Variants in ATP11B observed in about 807,000 individuals in gnomAD.
ATP11B encodes ATPase phospholipid transporting 11B (putative).
ATP11B carries 81 observed loss-of-function variants against 157.8 expected under a neutral mutation model. The observed-to-expected ratio is 0.51, with a 90% CI of 0.43 to 0.62. ATP11B has a LOEUF of 0.62. Ranked by LOEUF, ATP11B falls within the 20% of genes least tolerant of loss-of-function variation. The pLI, the probability that ATP11B is intolerant of heterozygous loss-of-function variation, is 0.00. For synonymous variants in ATP11B, 451 were observed against 469.4 expected (o/e 0.96, Z 0.51); for missense variants, 1,165 against 1,402.2 (o/e 0.83, Z 2.70).
At chr3:182,908,511 T>TAC (rs1323024759) in intron 28 of ATP11B, 6 of 152,144 alleles carry the variant, frequency 3.9e-5, no homozygotes, top group African/African-American at 1.4e-4. Flanking sequence ...CTTAGGTATG[T>TAC]AATACATACA....
intron 1 of ATP11B, among the ~76,000 whole-genome samples, chr3:182,805,541 G>A (rs866650928): frequency 1.3e-5 from 2 of 150,722 alleles, no homozygotes; most frequent in Admixed American, 6.6e-5. Flanking sequence ...GGCAACCTCC[G>A]CCTCCCAGAT....
At chr3:182,880,266 A>G (rs1056246667) in intron 20 of ATP11B, among the ~76,000 whole-genome samples, 3 of 152,190 alleles carry the variant, frequency 2.0e-5, no homozygotes. Context: ...TTTCCCATAT[A>G]GGTCTAATAA....
At chr3:182,916,770 C>A in intron 29 of ATP11B, 1 of 984,894 alleles carries the variant, frequency 1.0e-6, no homozygotes. Context: ...TCTGTGTAAG[C>A]AATGTGGAAA....
chr3:182,884,648 G>T, intron 21 of ATP11B, 105 bp from the exon 22 acceptor site: 1 of 1,130,224 alleles, frequency 8.8e-7, no homozygotes, highest in Non-Finnish European at 1.2e-6. Context: ...AGGATTTAAT[G>T]TTCCTAAGTG....
At position 182,918,539 on chromosome 3, in the gene ATP11B, CTA is replaced by C; in HGVS notation, c.*437_*438del. 2 of 394,526 alleles carry C rather than the reference CTA, an allele frequency of 5.1e-6. No homozygotes were observed. The highest frequency in any genetic ancestry group is 4.5e-6 in the Non-Finnish European group (1 of 223,556). 24.4% of individuals were successfully genotyped at this position (394,526 alleles called of 1,614,324 possible). ...ATGCTGAAAGTTTGCCTTGAGAACT[CTA>C]TTTTTTTATTAGAGTTATATTTAAA... On this transcript the variant is annotated 3_prime_UTR_variant, in exon 30 of 30. Transcript: ENST00000323116.
chr3:182,879,701 T>C (rs761819544), intron 20 of ATP11B, 52 bp downstream of exon 20: 6 of 1,498,992 alleles, frequency 4.0e-6, no homozygotes, highest in Non-Finnish European at 5.4e-6. Context: ...GATATAAACA[T>C]ATTATTTAAA....
At chr3:182,873,391 C>T (rs774066456) in intron 18 of ATP11B, among the ~76,000 whole-genome samples, 10 of 152,146 alleles carry the variant, frequency 6.6e-5, no homozygotes, top group Non-Finnish European at 1.5e-4. Context: ...CTAAAGTTAG[C>T]TAGACCTTTA....
At chr3:182,862,759 A>G (rs1720939492) in intron 12 of ATP11B, among the ~76,000 whole-genome samples, 1 of 150,320 alleles carries the variant, frequency 6.7e-6, no homozygotes, top group Non-Finnish European at 1.5e-5. Context: ...CATCTTCCAA[A>G]CTTGTGTCAA....
chr3:182,835,119 G>C (rs1335369121), intron 4 of ATP11B, among the ~76,000 whole-genome samples: 6 of 152,060 alleles, frequency 3.9e-5, no homozygotes, highest in Non-Finnish European at 2.9e-5. Flanking sequence ...TGCTGTCTCA[G>C]GGGTGGCAGA....
At chr3:182,832,147 A>G (rs1196682793) in intron 4 of ATP11B, among the ~76,000 whole-genome samples, 1 of 152,154 alleles carries the variant, frequency 6.6e-6, no homozygotes, top group Non-Finnish European at 1.5e-5. Flanking sequence ...AGAGTTTAAT[A>G]TAATCATAAT....
At chr3:182,899,298 A>C (rs193148833) in intron 28 of ATP11B, among the ~76,000 whole-genome samples, 29 of 151,708 alleles carry the variant, frequency 1.9e-4, no homozygotes, top group Admixed American at 1.4e-3. Flanking sequence ...GATTACAGGC[A>C]CCTGCCTCCA....
intron 1 of ATP11B, among the ~76,000 whole-genome samples, chr3:182,807,845 G>T (rs1716420990): frequency 6.6e-6 from 1 of 151,978 alleles, no homozygotes; most frequent in African/African-American, 2.4e-5. Flanking sequence ...CAGGGGAGGG[G>T]CGTGGTTTTC....
chr3:182,918,123 TG>T lies in ATP11B; in HGVS notation c.*22del. 1 of 1,612,080 alleles carries T rather than the reference TG, an allele frequency of 6.2e-7. No homozygotes were observed. Among genetic ancestry groups the T allele is most frequent in the Non-Finnish European group, 8.5e-7 (1 of 1,178,954 alleles). On this transcript the variant is annotated 3_prime_UTR_variant, in exon 30 of 30. Transcript: ENST00000323116. ...TTGTTAAAGGGGCAGTAGTACTTTG[TG>T]GGAGCCAGTTCACCTCCTTTCCTAA...
intron 10 of ATP11B, among the ~76,000 whole-genome samples, chr3:182,857,407 A>G (rs1192164039): frequency 1.3e-5 from 2 of 152,170 alleles, no homozygotes; most frequent in East Asian, 1.9e-4. Context: ...TCGGTCTCCC[A>G]AAGTGCTGGG....
rs904211927 is a variant in ATP11B at position 182,914,788 on chromosome 3, C to T, written c.3452+794C>T. On this transcript the variant is annotated intron_variant, in intron 29 of 29. Coordinates refer to ENST00000323116, the MANE Select transcript of ATP11B (RefSeq NM_014616.3). ...ATGGATTTATTTATTCATACATTTC[C>T]CCAAGAGTTATATCACTATTTAGAG... 4 of 985,078 alleles carry T rather than the reference C, an allele frequency of 4.1e-6. No individual in the cohort carries two copies. In the African/African-American group the frequency reaches 7.0e-5, roughly 17 times the overall value. 61.0% of individuals were successfully genotyped at this position (985,078 alleles called of 1,614,324 possible).
intron 2 of ATP11B, among the ~76,000 whole-genome samples, chr3:182,821,470 T>G (rs182726190): frequency 7.9e-5 from 12 of 152,332 alleles, no homozygotes; most frequent in Non-Finnish European, 1.3e-4. Context: ...ATTTTATCAC[T>G]CATTTGTACA....
At chr3:182,849,756 G>T (rs1285278463) in intron 10 of ATP11B, among the ~76,000 whole-genome samples, 1 of 152,022 alleles carries the variant, frequency 6.6e-6, no homozygotes, top group Middle Eastern at 3.2e-3. Flanking sequence ...AGAGCCATGT[G>T]GGATAATATT....
At chr3:182,845,683 G>A (rs1719457956) in intron 9 of ATP11B, among the ~76,000 whole-genome samples, 161 bp downstream of exon 9, 1 of 152,106 alleles carries the variant, frequency 6.6e-6, no homozygotes, top group African/African-American at 2.4e-5. Context: ...GTCGTGTATT[G>A]AACTTTTGTT....
intron 1 of ATP11B, among the ~76,000 whole-genome samples, chr3:182,817,730 G>A (rs1197817780): frequency 6.6e-6 from 1 of 151,834 alleles, no homozygotes; most frequent in Non-Finnish European, 1.5e-5. Context: ...GCATTTATAT[G>A]TTAATATAAA....
Sources: allele counts gnomAD v4.1 joint callset (sites outside exome capture counted in the v4.1 genomes callset), GRCh38; gene constraint gnomAD v4.1.1; transcripts MANE v1.5; gene names NCBI Gene and HGNC (gene_info 2026-07-23, HGNC 2026-07-21).